The following RYR2 variants were observed in gnomAD, a reference collection of about 807,000 sequenced individuals.
RYR2 encodes the protein cardiac muscle ryanodine receptor-calcium release channel.
RYR2 carries 227 observed loss-of-function variants against 601.1 expected under a neutral mutation model. The ratio of observed to expected loss-of-function variants is 0.38; its 90% CI spans 0.34 to 0.42. RYR2 has a LOEUF of 0.42. RYR2 is among the 10% of genes least tolerant of loss of function. The pLI is 1.00. For missense variants in RYR2, 4,646 were observed against 6,156.5 expected, an observed-to-expected ratio of 0.75 and a Z score of 8.21; for synonymous variants, 2,223 against 2,175.1, an observed-to-expected ratio of 1.02 and a Z score of -0.61.
At chr1:237,710,503 A>C in intron 70 of RYR2, among the ~76,000 whole-genome samples, 1 of 152,284 alleles carries the variant, frequency 6.6e-6, no homozygotes, top group Non-Finnish European at 1.5e-5. Context: ...ACTTTATATA[A>C]AAACATACAT....
intron 62 of RYR2, among the ~76,000 whole-genome samples, chr1:237,680,997 T>A (rs1320162443): frequency 1.3e-5 from 2 of 152,144 alleles, no homozygotes; most frequent in African/African-American, 4.8e-5. Context: ...TAATGACCAA[T>A]GTTGGAAGAA....
intron 74 of RYR2, among the ~76,000 whole-genome samples, chr1:237,724,347 A>T (rs200330563): frequency 2.7e-5 from 1 of 37,004 alleles, no homozygotes; most frequent in Non-Finnish European, 1.5e-4. Flanking sequence ...GTTTTATATT[A>T]TCTGAACCCT....
intron 94 of RYR2, 75 bp downstream of exon 94, chr1:237,792,398 C>CGTGTGTGTGTGT (rs71162418): frequency 5.3e-5 from 26 of 489,944 alleles, no homozygotes; most frequent in South Asian, 2.8e-4. Context: ...TGTGTGTGTG[C>CGTGTGTGTGTGT]GTGTGTGTGT....
intron 10 of RYR2, among the ~76,000 whole-genome samples, chr1:237,410,415 TG>T (rs1172855880): frequency 6.6e-6 from 1 of 152,194 alleles, no homozygotes; most frequent in Admixed American, 6.5e-5. Context: ...CCCTAGACCC[TG>T]GATTTTATCC....
chr1:237,528,997 T>A (rs562557912), intron 24 of RYR2, among the ~76,000 whole-genome samples: 1 of 152,288 alleles, frequency 6.6e-6, no homozygotes, highest in East Asian at 1.9e-4. Flanking sequence ...ACATCCCTCT[T>A]TGATACTTTT....
chr1:237,678,297 C>T (rs976354580), intron 61 of RYR2, among the ~76,000 whole-genome samples, 185 bp downstream of exon 61: 3 of 152,224 alleles, frequency 2.0e-5, no homozygotes, highest in African/African-American at 7.2e-5. Context: ...GACTTTAACT[C>T]TGCATTCCCT....
At chr1:237,565,211 CTTTCTT>C (rs1397289867) in intron 27 of RYR2, among the ~76,000 whole-genome samples, 14 of 76,400 alleles carry the variant, frequency 1.8e-4, no homozygotes, top group African/African-American at 5.9e-4. Context: ...TTCTTTCTTT[CTTTCTT>C]TCTTTCTTTT....
intron 62 of RYR2, 82 bp from the exon 63 acceptor site, chr1:237,687,373 T>TTTTTTTTTTTTTTA: frequency 1.5e-6 from 1 of 646,650 alleles, no homozygotes; most frequent in Non-Finnish European, 2.5e-6. Context: ...CTTCTTTTTT[T>TTTTTTTTTTTTTTA]TTTTTTTTTT....
chr1:237,150,086 C>A (rs1010277467), intron 1 of RYR2, among the ~76,000 whole-genome samples: 5 of 152,234 alleles, frequency 3.3e-5, no homozygotes, highest in Non-Finnish European at 5.9e-5. Flanking sequence ...TGTGCATTGT[C>A]ACTTGCAATA....
At chr1:237,231,130 C>T (rs927911473) in intron 1 of RYR2, among the ~76,000 whole-genome samples, 3 of 151,998 alleles carry the variant, frequency 2.0e-5, no homozygotes, top group Non-Finnish European at 2.9e-5. Flanking sequence ...TATCAAATAA[C>T]TATATCTGTC....
chr1:237,091,487 C>T lies in RYR2; in HGVS notation c.48+48918C>T, dbSNP rs148190012. 6.9e-3 allele frequency among the ~76,000 whole-genome samples: 1,051 copies of T among 151,952 alleles called. 19 individuals are homozygous for T. Among genetic ancestry groups the T allele is most frequent in the African/African-American group, 0.024 (1,008 of 41,368 alleles). ...TTGCCCAGGCTGGAGTGCAGTGGCA[C>T]GATCTTGGCTCACTGCAACCTCCGC... On this transcript the variant is annotated intron_variant, in intron 1 of 104. Coordinates refer to ENST00000366574, the MANE Select transcript of RYR2 (RefSeq NM_001035.3).
In RYR2 at chr1:237,511,849, A is replaced by C. The variant is rs867193946; in HGVS notation, c.2822+58A>C. 61 of 994,714 alleles carry C rather than the reference A, an allele frequency of 6.1e-5. No individual in the cohort carries two copies. In the Middle Eastern group the frequency reaches 3.4e-3, roughly 56 times the overall value. The allele number at this position is 994,714 out of a possible 1,614,324, so 61.6% of individuals were successfully genotyped here. ...TGCCTTCCCTGAAAAAAAAAAAAAA[A>C]AAAAAAAAAACAGGTATTGATGCTA... is the stretch of plus-strand genomic sequence containing the variant. On this transcript the variant is annotated intron_variant, in intron 24 of 104. Coordinates refer to ENST00000366574, the MANE Select transcript of RYR2 (RefSeq NM_001035.3).
intron 11 of RYR2, among the ~76,000 whole-genome samples, chr1:237,421,939 T>C (rs1705636323): frequency 1.3e-5 from 2 of 152,310 alleles, no homozygotes; most frequent in South Asian, 4.1e-4. Flanking sequence ...ATATCAAATT[T>C]GTCATTTCCT....
At chr1:237,115,218 C>T (rs1234259449) in intron 1 of RYR2, among the ~76,000 whole-genome samples, 1 of 141,646 alleles carries the variant, frequency 7.1e-6, no homozygotes, top group Non-Finnish European at 1.6e-5. Context: ...CTAGAGGCCA[C>T]GCCTTCGTGG....
intron 29 of RYR2, among the ~76,000 whole-genome samples, chr1:237,584,654 T>TTG (rs1447063322): frequency 7.7e-6 from 1 of 129,822 alleles, no homozygotes; most frequent in Non-Finnish European, 1.7e-5. Flanking sequence ...CACCTGTTTT[T>TTG]TTTTTTTTTT....
intron 1 of RYR2, among the ~76,000 whole-genome samples, chr1:237,104,538 C>T (rs1325740077): frequency 1.3e-5 from 2 of 152,096 alleles, no homozygotes; most frequent in Non-Finnish European, 2.9e-5. Context: ...GTGCCTTTTA[C>T]AATTATGTGG....
chr1:237,764,243 T>C (rs1693659083), intron 84 of RYR2, among the ~76,000 whole-genome samples: 1 of 152,170 alleles, frequency 6.6e-6, no homozygotes, highest in African/African-American at 2.4e-5. Flanking sequence ...TTTCTTGACT[T>C]GTCCAAGGTC....
chr1:237,333,568 G>T lies in RYR2; in HGVS notation c.273+2586G>T, dbSNP rs898698980. On this transcript the variant is annotated intron_variant, in intron 3 of 104. Coordinates refer to ENST00000366574, the MANE Select transcript of RYR2 (RefSeq NM_001035.3). ...GCGGCAGCAACTGTTTACCAAGAAG[G>T]ATAGATATTTTCCACTTAACCATTT... The T allele has an allele frequency of 1.3e-5, 6 of 455,758 alleles. No homozygotes were observed. In the East Asian group the frequency reaches 4.2e-4, roughly 32 times the overall value. 28.2% of individuals were successfully genotyped at this position (455,758 alleles called of 1,614,324 possible).
At chr1:237,147,991 A>G (rs987182068) in intron 1 of RYR2, among the ~76,000 whole-genome samples, 17 of 152,318 alleles carry the variant, frequency 1.1e-4, no homozygotes, top group African/African-American at 3.8e-4. Flanking sequence ...GCCAGAGTTA[A>G]TGATAGTTAG....
Sources: allele counts gnomAD v4.1 joint callset (sites outside exome capture counted in the v4.1 genomes callset), GRCh38; gene constraint gnomAD v4.1.1; transcripts MANE v1.5; gene names NCBI Gene and HGNC (gene_info 2026-07-23, HGNC 2026-07-21).